ANKS1A: variants seen among roughly 807,000 people sequenced by gnomAD.
ANKS1A encodes the protein ankyrin repeat and SAM domain-containing protein 1A.
ANKS1A carries 55 observed loss-of-function variants against 120.3 expected under a neutral mutation model. The ratio of observed to expected loss-of-function variants is 0.46; its 90% CI spans 0.37 to 0.57. The LOEUF (loss-of-function observed/expected upper bound fraction) is 0.57. ANKS1A is among the 20% of genes least tolerant of loss of function. The pLI is 0.00. For missense variants in ANKS1A, 1,123 were observed against 1,480.3 expected (o/e 0.76, Z 3.96); for synonymous variants, 590 against 604.7 (o/e 0.98, Z 0.36).
chr6:34,910,518 A>G (rs887893905), intron 1 of ANKS1A, among the ~76,000 whole-genome samples: 5 of 152,118 alleles, frequency 3.3e-5, no homozygotes, highest in East Asian at 1.9e-4. Flanking sequence ...CTGTGATCAC[A>G]CTACTACTAC....
rs755806325 is a variant in ANKS1A, at chr6:35,089,698, G to C, written c.*1089G>C. 1.0e-6 allele frequency: 1 copy of C among 992,288 alleles called. No individual in the cohort carries two copies. The highest frequency in any genetic ancestry group is 5.2e-4 in the Middle Eastern group (1 of 1,934). 61.5% of individuals were successfully genotyped at this position (992,288 alleles called of 1,614,324 possible). A position where few individuals can be genotyped will look rare whatever the true frequency, so the allele number is the denominator to read the frequency against. On this transcript the variant is annotated 3_prime_UTR_variant, in exon 24 of 24. Transcript: ENST00000360359. ...GGCCTTTGGGGCAGGCTGGCATCCC[G>C]GTGCGCCTCTGCTTCTTAAGCTTTC...
At position 34,996,835 on chromosome 6, in the gene ANKS1A, A is replaced by G. The variant is rs147114995; in HGVS notation, c.1423+2413A>G. On this transcript the variant is annotated intron_variant, in intron 10 of 23. Coordinates refer to ENST00000360359, the MANE Select transcript of ANKS1A (RefSeq NM_015245.3). ...TTTAGGTCTTACATTTAAATCTATG[A>G]TCAATTGTGAGTTAATTTTTATATA... 6.8e-3 allele frequency among the ~76,000 whole-genome samples: 1,037 copies of G among 152,232 alleles called. 12 individuals are homozygous for G. The highest frequency in any genetic ancestry group is 0.023 in the African/African-American group (969 of 41,530).
chr6:35,016,004 C>T (rs1221343722), intron 10 of ANKS1A, among the ~76,000 whole-genome samples: 1 of 152,216 alleles, frequency 6.6e-6, no homozygotes, highest in Admixed American at 6.5e-5. Flanking sequence ...GCAGGCATCT[C>T]ACATCCCTAA....
At chr6:34,922,223 A>G (rs1011076772) in intron 1 of ANKS1A, among the ~76,000 whole-genome samples, 1 of 152,108 alleles carries the variant, frequency 6.6e-6, no homozygotes, top group African/African-American at 2.4e-5. Context: ...GATGCTTTAC[A>G]TGTACCCCAT....
chr6:34,925,483 G>A (rs895953240), intron 1 of ANKS1A, among the ~76,000 whole-genome samples: 5 of 152,158 alleles, frequency 3.3e-5, no homozygotes, highest in Admixed American at 1.3e-4. Context: ...TGTTGGACCC[G>A]GGGTAAGTGA....
chr6:34,974,859 G>C (rs1413653176), intron 3 of ANKS1A, among the ~76,000 whole-genome samples: 1 of 152,072 alleles, frequency 6.6e-6, no homozygotes, highest in Non-Finnish European at 1.5e-5. Flanking sequence ...GGCATTTTTG[G>C]AATCTGTTTT....
chr6:35,027,379 G>A (rs760510108), intron 11 of ANKS1A, among the ~76,000 whole-genome samples: 1 of 152,192 alleles, frequency 6.6e-6, no homozygotes, highest in African/African-American at 2.4e-5. Context: ...GGAGATGCTG[G>A]TGGCCTCAGA....
rs182273350 is a variant in ANKS1A, at chr6:34,897,041, C to T, written c.197+7442C>T. On this transcript the variant is annotated intron_variant, in intron 1 of 23. Coordinates refer to ENST00000360359, the MANE Select transcript of ANKS1A (RefSeq NM_015245.3). Reference sequence around the variant, plus strand: ...GCCCCAGCTACTCAGGAGGCAGAGACGCAAAGGTGGGAGAATTGCTAGAGC... The same window carrying T: ...GCCCCAGCTACTCAGGAGGCAGAGATGCAAAGGTGGGAGAATTGCTAGAGC... Among the ~76,000 whole-genome samples, 165 of 152,228 alleles carry T rather than the reference C, an allele frequency of 1.1e-3. 1 individual carries two copies. Among genetic ancestry groups the T allele is most frequent in the Non-Finnish European group, 1.8e-3 (125 of 68,012 alleles).
chr6:35,003,243 AC>A (rs1176427570), intron 10 of ANKS1A, among the ~76,000 whole-genome samples: 1 of 152,078 alleles, frequency 6.6e-6, no homozygotes, highest in Non-Finnish European at 1.5e-5. Context: ...GGGATACCAG[AC>A]CCCCATTTAC....
chr6:34,993,945 C>A (rs1291649448), intron 9 of ANKS1A, among the ~76,000 whole-genome samples: 1 of 152,110 alleles, frequency 6.6e-6, no homozygotes, highest in Admixed American at 6.5e-5. Flanking sequence ...AGACTAAAAT[C>A]AAAGAAAAGG....
chr6:34,941,073 C>T (rs1426082019), intron 1 of ANKS1A, among the ~76,000 whole-genome samples: 3 of 151,952 alleles, frequency 2.0e-5, no homozygotes, highest in Non-Finnish European at 4.4e-5. Context: ...ACTGCAACTC[C>T]ACCTCCCGGG....
At position 34,994,310 on chromosome 6, in the gene ANKS1A, C is replaced by G. The variant is rs746058801; in HGVS notation, c.1311C>G (p.Ser437=). 11 of 1,613,252 alleles carry G rather than the reference C, an allele frequency of 6.8e-6. No individual in the cohort carries two copies. The East Asian group carries it at 2.2e-4, about 33-fold the overall frequency. ...ATGTTTCTCTCCCTTAGGTTCTGTC[C>G]ATGAGACCTAGGATTCATGGGAGTG... ...YFPLTASEVL[S]MRPRIHGSAA... Residue 437 remains serine, a synonymous_variant, in exon 10 of 24, where the codon TCC becomes TCG. Coordinates refer to ENST00000360359, the MANE Select transcript of ANKS1A (RefSeq NM_015245.3).
intron 11 of ANKS1A, among the ~76,000 whole-genome samples, chr6:35,052,494 C>A (rs565481984): frequency 6.7e-6 from 1 of 150,232 alleles, no homozygotes; most frequent in Non-Finnish European, 1.5e-5. Context: ...CATGGTGGCA[C>A]CTACCTGTCG....
At chr6:35,070,108 TC>T (rs1777005425) in intron 13 of ANKS1A, among the ~76,000 whole-genome samples, 1 of 150,344 alleles carries the variant, frequency 6.7e-6, no homozygotes, top group Admixed American at 6.6e-5. Context: ...GAGGCAGTCC[TC>T]CCAAAGTGTT....
chr6:34,925,683 G>A (rs973446698), intron 1 of ANKS1A, among the ~76,000 whole-genome samples: 16 of 152,268 alleles, frequency 1.1e-4, no homozygotes, highest in African/African-American at 3.1e-4. Flanking sequence ...TACTGGGTGC[G>A]GAGAGGGATA....
At chr6:35,066,061 G>A (rs376846130) in intron 13 of ANKS1A, among the ~76,000 whole-genome samples, 8 of 152,124 alleles carry the variant, frequency 5.3e-5, no homozygotes, top group East Asian at 3.9e-4. Flanking sequence ...CCAGGTCCCC[G>A]CCCTGTGTGA....
At chr6:35,042,931 G>C (rs924931099) in intron 11 of ANKS1A, among the ~76,000 whole-genome samples, 5 of 152,244 alleles carry the variant, frequency 3.3e-5, no homozygotes, top group Non-Finnish European at 7.3e-5. Flanking sequence ...CTGTGATGGG[G>C]TTGTGGGTGG....
intron 8 of ANKS1A, among the ~76,000 whole-genome samples, chr6:34,987,970 C>T (rs941386401): frequency 1.3e-5 from 2 of 152,216 alleles, no homozygotes; most frequent in Non-Finnish European, 2.9e-5. Flanking sequence ...GGAATATAAA[C>T]AGTGCTAAAG....
chr6:35,011,388 G>A (rs955412570), intron 10 of ANKS1A, among the ~76,000 whole-genome samples: 3 of 152,226 alleles, frequency 2.0e-5, no homozygotes, highest in Non-Finnish European at 4.4e-5. Context: ...GTTGGAAGCT[G>A]ATCCAGGCAA....
Sources: allele counts gnomAD v4.1 joint callset (sites outside exome capture counted in the v4.1 genomes callset), GRCh38; gene constraint gnomAD v4.1.1; transcripts MANE v1.5; gene names NCBI Gene and HGNC (gene_info 2026-07-23, HGNC 2026-07-21).